Variants in ZRANB3 observed in about 807,000 individuals in gnomAD.
ZRANB3 encodes DNA annealing helicase and endonuclease ZRANB3.
ZRANB3 carries 125 observed loss-of-function variants against 133.8 expected under a neutral mutation model. That is an observed-to-expected ratio of 0.93 (90% CI 0.81 to 1.08). ZRANB3 has a LOEUF of 1.08. Among genes scored for constraint, ZRANB3 ranks in the 50% least tolerant of loss-of-function variants. The pLI is 0.00. For missense variants in ZRANB3, 1,229 were observed against 1,275.5 expected (o/e 0.96, Z 0.56); for synonymous variants, 387 against 432.7 (o/e 0.89, Z 1.31).
At chr2:135,460,650 T>C (rs1690723610) in intron 2 of ZRANB3, among the ~76,000 whole-genome samples, 1 of 152,164 alleles carries the variant, frequency 6.6e-6, no homozygotes, top group South Asian at 2.1e-4. Flanking sequence ...TGCTGCATGA[T>C]GAAACTGCAT....
intron 1 of ZRANB3, among the ~76,000 whole-genome samples, chr2:135,526,718 CT>C (rs1382511316): frequency 5.9e-5 from 9 of 152,186 alleles, no homozygotes; most frequent in Non-Finnish European, 2.9e-5. Context: ...CCCCTTCCCC[CT>C]TTGTTTTCCT....
chr2:135,462,591 CTCTTTT>C (rs1269449650), intron 2 of ZRANB3, among the ~76,000 whole-genome samples: 10 of 148,724 alleles, frequency 6.7e-5, no homozygotes, highest in South Asian at 4.2e-4. Flanking sequence ...CCCTCTCTCT[CTCTTTT>C]TCTTTTTCTT....
intron 12 of ZRANB3, among the ~76,000 whole-genome samples, chr2:135,249,126 G>A (rs956697813): frequency 1.3e-5 from 2 of 152,204 alleles, no homozygotes; most frequent in Non-Finnish European, 2.9e-5. Context: ...CAGAGAAAAG[G>A]GAACACATAC....
At chr2:135,207,947 A>G in intron 18 of ZRANB3, 111 bp from the exon 19 acceptor site, 1 of 1,048,444 alleles carries the variant, frequency 9.5e-7, no homozygotes, top group Admixed American at 2.9e-5. Flanking sequence ...GTAAACACAG[A>G]TCACAGTGTA....
At chr2:135,244,041 T>C (rs1223737684) in intron 12 of ZRANB3, among the ~76,000 whole-genome samples, 3 of 151,212 alleles carry the variant, frequency 2.0e-5, no homozygotes, top group Non-Finnish European at 4.4e-5. Flanking sequence ...AATACTTGAA[T>C]CTTTTGTCCT....
intron 3 of ZRANB3, among the ~76,000 whole-genome samples, chr2:135,355,707 C>A (rs146061730): frequency 6.6e-6 from 1 of 152,082 alleles, no homozygotes; most frequent in Non-Finnish European, 1.5e-5. Flanking sequence ...GCCACTTCCC[C>A]GCCTCAACAA....
intron 12 of ZRANB3, among the ~76,000 whole-genome samples, chr2:135,253,722 A>G (rs985890398): frequency 2.0e-5 from 3 of 152,204 alleles, no homozygotes; most frequent in Admixed American, 6.5e-5. Flanking sequence ...TATGGCTACA[A>G]CCTCACCAGG....
intron 2 of ZRANB3, among the ~76,000 whole-genome samples, chr2:135,415,802 T>C (rs1222494079): frequency 9.2e-5 from 14 of 152,246 alleles, no homozygotes; most frequent in Admixed American, 2.6e-4. Flanking sequence ...GTTGGTTCAA[T>C]ATACACAAAT....
intron 12 of ZRANB3, 165 bp from the exon 13 acceptor site, chr2:135,231,092 A>T: frequency 4.3e-6 from 2 of 464,130 alleles, no homozygotes; most frequent in Non-Finnish European, 7.1e-6. Context: ...TACATATATA[A>T]ATATATATAT....
chr2:135,312,673 AG>A (rs1462175906), intron 8 of ZRANB3, among the ~76,000 whole-genome samples: 2 of 152,202 alleles, frequency 1.3e-5, no homozygotes, highest in African/African-American at 2.4e-5. Flanking sequence ...AAATAAAAAA[AG>A]ATTATTTGCA....
At chr2:135,460,581 T>C (rs535104642) in intron 2 of ZRANB3, among the ~76,000 whole-genome samples, 10 of 152,196 alleles carry the variant, frequency 6.6e-5, no homozygotes, top group African/African-American at 2.4e-4. Flanking sequence ...CGGCTAACTT[T>C]TGAACCTGAA....
chr2:135,230,486 C>T lies in ZRANB3; in HGVS notation c.1954+27G>A, dbSNP rs186833563. 27 of 1,471,266 alleles carry T rather than the reference C, an allele frequency of 1.8e-5. No homozygotes were observed. In the Middle Eastern group the frequency reaches 5.5e-4, roughly 30 times the overall value. The allele number at this position is 1,471,266 out of a possible 1,614,324, so 91.1% of individuals were successfully genotyped here. On this transcript the variant is annotated intron_variant, in intron 13 of 20. Coordinates refer to ENST00000264159, the MANE Select transcript of ZRANB3 (RefSeq NM_032143.4). ...TGAAGACACCACTAACAGCCCTTACCTCCATGGTCACCTTCTATATACTCA... is the reference window on the plus strand; with the variant it reads ...TGAAGACACCACTAACAGCCCTTACTTCCATGGTCACCTTCTATATACTCA...
At chr2:135,509,767 C>T (rs941054415) in intron 1 of ZRANB3, among the ~76,000 whole-genome samples, 1 of 152,080 alleles carries the variant, frequency 6.6e-6, no homozygotes, top group Non-Finnish European at 1.5e-5. Context: ...ATGGTAAAAA[C>T]GGTAGGTTTT....
At chr2:135,256,801 C>G (rs1043145834) in intron 12 of ZRANB3, among the ~76,000 whole-genome samples, 2 of 152,190 alleles carry the variant, frequency 1.3e-5, no homozygotes, top group Non-Finnish European at 2.9e-5. Flanking sequence ...CTTGGCAGGA[C>G]TGGTTTCACA....
chr2:135,271,140 T>C (rs1680491228), intron 10 of ZRANB3, among the ~76,000 whole-genome samples: 1 of 152,226 alleles, frequency 6.6e-6, no homozygotes, highest in Non-Finnish European at 1.5e-5. Context: ...GCAGCCCTTT[T>C]AGATAAGACA....
At chr2:135,481,833 T>C (rs1198335755) in intron 2 of ZRANB3, among the ~76,000 whole-genome samples, 2 of 151,258 alleles carry the variant, frequency 1.3e-5, no homozygotes, top group African/African-American at 4.9e-5. Context: ...TTTCTACATA[T>C]GGCTAGCTAG....
At chr2:135,389,153 A>G (rs1227509381) in intron 3 of ZRANB3, among the ~76,000 whole-genome samples, 2 of 152,114 alleles carry the variant, frequency 1.3e-5, no homozygotes, top group African/African-American at 4.8e-5. Context: ...TCAAAAGAAA[A>G]ATTTCTGTTT....
intron 2 of ZRANB3, among the ~76,000 whole-genome samples, chr2:135,429,424 C>G (rs1289244139): frequency 6.6e-6 from 1 of 151,952 alleles, no homozygotes; most frequent in Non-Finnish European, 1.5e-5. Flanking sequence ...AGGTACTATG[C>G]TTATCACTTA....
intron 19 of ZRANB3, among the ~76,000 whole-genome samples, chr2:135,203,887 A>G (rs1693740549): frequency 6.6e-6 from 1 of 152,180 alleles, no homozygotes; most frequent in African/African-American, 2.4e-5. Flanking sequence ...ATATATACAC[A>G]TTTTATATTT....
Sources: allele counts gnomAD v4.1 joint callset (sites outside exome capture counted in the v4.1 genomes callset), GRCh38; gene constraint gnomAD v4.1.1; transcripts MANE v1.5; gene names NCBI Gene and HGNC (gene_info 2026-07-23, HGNC 2026-07-21).